The following NLN variants were observed in gnomAD, a reference collection of about 807,000 sequenced individuals.
NLN encodes the protein neurolysin, mitochondrial.
NLN carries 64 observed loss-of-function variants against 79.9 expected under a neutral mutation model. The ratio of observed to expected loss-of-function variants is 0.80; its 90% CI spans 0.65 to 0.99. The LOEUF (loss-of-function observed/expected upper bound fraction) is 0.99, where lower values mean the gene tolerates loss of function less well. NLN is among the 50% of genes least tolerant of loss of function. The pLI, the probability that NLN is intolerant of heterozygous loss-of-function variation, is 0.00. For missense variants in NLN, 835 were observed against 858.7 expected, an observed-to-expected ratio of 0.97 and a Z score of 0.34; for synonymous variants, 267 against 296.6, an observed-to-expected ratio of 0.90 and a Z score of 1.02.
chr5:65,736,298 G>C (rs1292627156), intron 1 of NLN, among the ~76,000 whole-genome samples: 2 of 152,130 alleles, frequency 1.3e-5, no homozygotes, highest in African/African-American at 4.8e-5. Flanking sequence ...TTCATTGTGT[G>C]ACTATTCCAA....
chr5:65,800,665 TATTTA>T (rs1037341735), intron 9 of NLN, among the ~76,000 whole-genome samples: 7 of 80,612 alleles, frequency 8.7e-5, no homozygotes, highest in Non-Finnish European at 1.9e-4. Flanking sequence ...AAAACTCTCT[TATTTA>T]TTTATTTATT....
At chr5:65,785,686 C>A in intron 6 of NLN, 89 bp from the exon 7 acceptor site, 9 of 1,043,834 alleles carry the variant, frequency 8.6e-6, no homozygotes, top group South Asian at 5.3e-5. Context: ...ATTTTACAAA[C>A]CTAAAAATAC....
chr5:65,796,062 G>A (rs1475074197), intron 9 of NLN, among the ~76,000 whole-genome samples: 1 of 152,132 alleles, frequency 6.6e-6, no homozygotes, highest in African/African-American at 2.4e-5. Flanking sequence ...AAGGCTCACA[G>A]ACCCCTCGAA....
At chr5:65,801,941 C>T (rs1760293732) in intron 9 of NLN, among the ~76,000 whole-genome samples, 1 of 152,182 alleles carries the variant, frequency 6.6e-6, no homozygotes, top group Non-Finnish European at 1.5e-5. Context: ...TTCATACAAG[C>T]AGGATATACA....
At chr5:65,781,116 A>C in intron 5 of NLN, 145 bp from the exon 6 acceptor site, 1 of 601,390 alleles carries the variant, frequency 1.7e-6, no homozygotes, top group South Asian at 2.2e-5. Flanking sequence ...GCAACATCAA[A>C]ATGATATTTA....
intron 1 of NLN, among the ~76,000 whole-genome samples, chr5:65,726,110 TCA>T (rs1491356337): frequency 2.9e-5 from 2 of 68,380 alleles, no homozygotes; most frequent in African/African-American, 1.2e-4. Flanking sequence ...AGACTCCGTC[TCA>T]AAAAAAAAAA....
At chr5:65,780,447 A>G (rs1257450269) in intron 5 of NLN, among the ~76,000 whole-genome samples, 166 bp downstream of exon 5, 2 of 152,190 alleles carry the variant, frequency 1.3e-5, no homozygotes, top group Admixed American at 6.5e-5. Flanking sequence ...AGAAGAGACA[A>G]TCAAACCAAC....
intron 8 of NLN, among the ~76,000 whole-genome samples, chr5:65,791,241 G>T (rs1360779327): frequency 1.3e-5 from 2 of 152,056 alleles, no homozygotes; most frequent in Non-Finnish European, 2.9e-5. Context: ...GGTCAACATG[G>T]TGAAACCCCA....
intron 9 of NLN, among the ~76,000 whole-genome samples, chr5:65,802,874 A>G (rs1760319484): frequency 6.6e-6 from 1 of 152,102 alleles, no homozygotes; most frequent in Admixed American, 6.5e-5. Context: ...TGGGGTGGGT[A>G]GTTCCTCTCC....
In NLN at chr5:65,827,332, C is replaced by T. The variant is rs1387654028; in HGVS notation, c.*4417C>T. 1 of 152,144 alleles carries T rather than the reference C, an allele frequency of 6.6e-6. No homozygotes were observed. Among genetic ancestry groups the T allele is most frequent in the Non-Finnish European group, 1.5e-5 (1 of 68,036 alleles). The allele number at this position is 152,144 out of a possible 1,614,324, so 9.4% of individuals were successfully genotyped here. On this transcript the variant is annotated 3_prime_UTR_variant, in exon 13 of 13. Coordinates refer to ENST00000380985, the MANE Select transcript of NLN (RefSeq NM_020726.5). Reference sequence around the variant, plus strand: ...GGGGAAGGGGTGAACAGGAAATAGACTCCCTTATTCTGCTCACATGAGCTG... The same window carrying T: ...GGGGAAGGGGTGAACAGGAAATAGATTCCCTTATTCTGCTCACATGAGCTG...
chr5:65,774,717 A>T (rs1352086548), intron 3 of NLN, among the ~76,000 whole-genome samples: 7 of 95,192 alleles, frequency 7.4e-5, no homozygotes, highest in Admixed American at 2.9e-4. Context: ...TATATAAATT[A>T]TATATATATA....
chr5:65,730,803 C>T (rs1020896475), intron 1 of NLN, among the ~76,000 whole-genome samples: 1 of 152,310 alleles, frequency 6.6e-6, no homozygotes, highest in East Asian at 1.9e-4. Flanking sequence ...CCACCTGCCT[C>T]TGCCTCCCAA....
At chr5:65,817,058 A>G (rs1760686309) in intron 12 of NLN, among the ~76,000 whole-genome samples, 1 of 152,154 alleles carries the variant, frequency 6.6e-6, no homozygotes, top group Non-Finnish European at 1.5e-5. Context: ...GGACCATTTC[A>G]GATCTTGGCA....
intron 3 of NLN, among the ~76,000 whole-genome samples, chr5:65,768,160 T>C (rs1328919267): frequency 6.6e-6 from 1 of 152,208 alleles, no homozygotes; most frequent in Non-Finnish European, 1.5e-5. Context: ...TTTATAGCAG[T>C]ACCCTACTAT....
chr5:65,810,147 G>T lies in NLN; in HGVS notation c.1825G>T (p.Gly609Ter). 6.2e-7 allele frequency: 1 copy of T among 1,613,938 alleles called. No homozygotes were observed. The highest frequency in any genetic ancestry group is 1.3e-5 in the African/African-American group (1 of 75,036). Residue 609 changes from glycine to a stop codon, truncating the protein, a stop_gained, in exon 11 of 13, where the codon GGA (glycine) becomes TGA (stop). Coordinates refer to ENST00000380985, the MANE Select transcript of NLN (RefSeq NM_020726.5). LOFTEE classifies it high-confidence loss of function. ...EYAKYCSEIL[G>*]VAATPGTNMP... is the part of the protein sequence containing the mutation. ...TGCCAAATACTGCTCAGAAATATTA[G>T]GAGTTGCAGCTACTCCAGGTATGTA... is the stretch of plus-strand genomic sequence containing the variant.
At chr5:65,746,050 T>C (rs1010679938) in intron 1 of NLN, among the ~76,000 whole-genome samples, 1 of 152,032 alleles carries the variant, frequency 6.6e-6, no homozygotes, top group African/African-American at 2.4e-5. Context: ...GTCATATGGG[T>C]CTAGAACTCA....
chr5:65,799,886 T>C (rs746630876), intron 9 of NLN, among the ~76,000 whole-genome samples: 22 of 152,174 alleles, frequency 1.4e-4, no homozygotes, highest in Middle Eastern at 3.4e-3. Context: ...ATCATCTGTT[T>C]ATGGCAAAGT....
intron 9 of NLN, among the ~76,000 whole-genome samples, chr5:65,797,373 A>G (rs1253148575): frequency 2.0e-5 from 3 of 152,264 alleles, no homozygotes; most frequent in Non-Finnish European, 4.4e-5. Flanking sequence ...ACATGAAATC[A>G]TTAATTTGGT....
At chr5:65,785,687 C>T in intron 6 of NLN, 88 bp from the exon 7 acceptor site, 1 of 1,081,506 alleles carries the variant, frequency 9.2e-7, no homozygotes, top group Non-Finnish European at 1.3e-6. Context: ...TTTTACAAAC[C>T]TAAAAATACA....
Sources: allele counts gnomAD v4.1 joint callset (sites outside exome capture counted in the v4.1 genomes callset), GRCh38; gene constraint gnomAD v4.1.1; transcripts MANE v1.5; gene names NCBI Gene and HGNC (gene_info 2026-07-23, HGNC 2026-07-21).